Variants in NDFIP1 observed in about 807,000 individuals in gnomAD.
NDFIP1 encodes NEDD4 family-interacting protein 1.
Under a neutral mutation model 28.8 loss-of-function variants are expected in NDFIP1, and 7 were observed. The ratio of observed to expected loss-of-function variants is 0.24; its 90% CI spans 0.14 to 0.46. The LOEUF is 0.46. Ranked by LOEUF, NDFIP1 falls within the 20% of genes least tolerant of loss-of-function variation. The probability of loss-of-function intolerance (pLI) is 0.99; values close to 1 mark genes in which losing one functional copy is unlikely to be tolerated. For missense variants in NDFIP1, 194 were observed against 269.1 expected (o/e 0.72, Z 1.95); for synonymous variants, 92 against 101.0 (o/e 0.91, Z 0.53).
At chr5:142,119,582 A>G (rs1757102562) in intron 1 of NDFIP1, among the ~76,000 whole-genome samples, 2 of 152,238 alleles carry the variant, frequency 1.3e-5, no homozygotes, top group Admixed American at 6.5e-5. Flanking sequence ...ATCAAGTTCT[A>G]TAAATTTTCA....
intron 1 of NDFIP1, among the ~76,000 whole-genome samples, chr5:142,120,678 A>G (rs1364970702): frequency 6.6e-6 from 1 of 152,218 alleles, no homozygotes; most frequent in Non-Finnish European, 1.5e-5. Context: ...AGACTTAGTG[A>G]GGCCAAAAAC....
At chr5:142,150,818 C>T (rs757901297) in intron 7 of NDFIP1, among the ~76,000 whole-genome samples, 4 of 152,010 alleles carry the variant, frequency 2.6e-5, no homozygotes, top group Admixed American at 1.3e-4. Context: ...AGTTATAGGC[C>T]GATATTTGAG....
At chr5:142,149,076 G>A (rs1403192773) in intron 7 of NDFIP1, among the ~76,000 whole-genome samples, 3 of 151,906 alleles carry the variant, frequency 2.0e-5, no homozygotes, top group Non-Finnish European at 2.9e-5. Flanking sequence ...GAAATAGAAG[G>A]AAAAAAGGAG....
chr5:142,140,730 T>TCAAG, intron 6 of NDFIP1, 101 bp downstream of exon 6: 18 of 862,218 alleles, frequency 2.1e-5, no homozygotes, highest in Non-Finnish European at 3.0e-5. Flanking sequence ...TGTATAGTAA[T>TCAAG]ATATTAACAA....
intron 1 of NDFIP1, 128 bp downstream of exon 1, chr5:142,109,165 T>C (rs1327487844): frequency 8.2e-6 from 7 of 854,780 alleles, no homozygotes; most frequent in African/African-American, 1.8e-5. Context: ...GCGCTGGGCC[T>C]GGAGGGGCGG....
chr5:142,120,251 C>T (rs566393457), intron 1 of NDFIP1, among the ~76,000 whole-genome samples: 1 of 152,252 alleles, frequency 6.6e-6, no homozygotes, highest in South Asian at 2.1e-4. Context: ...CCACTGCACC[C>T]GGCCCAAACT....
chr5:142,149,701 C>T (rs958335307), intron 7 of NDFIP1, among the ~76,000 whole-genome samples: 2 of 152,112 alleles, frequency 1.3e-5, no homozygotes, highest in Admixed American at 6.6e-5. Flanking sequence ...TCTTACTGAA[C>T]AAGCAAAGGG....
intron 1 of NDFIP1, among the ~76,000 whole-genome samples, chr5:142,128,966 A>T (rs1427186653): frequency 6.6e-6 from 1 of 151,882 alleles, no homozygotes; most frequent in Non-Finnish European, 1.5e-5. Context: ...GTCATAGAAG[A>T]CCTCTTAACC....
At chr5:142,137,678 C>T (rs904029028) in intron 4 of NDFIP1, 56 bp from the exon 5 acceptor site, 4 of 1,599,646 alleles carry the variant, frequency 2.5e-6, no homozygotes, top group Admixed American at 1.7e-5. Flanking sequence ...GTAAGGCACT[C>T]TTGTTCTTGG....
At position 142,152,223 on chromosome 5, in the gene NDFIP1, AATTT is replaced by A. The variant is rs1462402421; in HGVS notation, c.*499_*502del. ...TATTTGCTGTTCAAGTTAATCTAGA[AATTT>A]ATTCAATTCTGTATGAACACCTGGA... On this transcript the variant is annotated 3_prime_UTR_variant, in exon 8 of 8. Coordinates refer to ENST00000253814, the MANE Select transcript of NDFIP1 (RefSeq NM_030571.4). The A allele has an allele frequency of 6.5e-6, 1 of 152,780 alleles. No homozygotes were observed. The highest frequency in any genetic ancestry group is 1.5e-5 in the Non-Finnish European group (1 of 68,022). 9.5% of individuals were successfully genotyped at this position (152,780 alleles called of 1,614,324 possible). A position where few individuals can be genotyped will look rare whatever the true frequency, so the allele number is the denominator to read the frequency against.
At chr5:142,143,236 A>T (rs2126922422) in intron 6 of NDFIP1, 1 of 152,228 alleles carries the variant, frequency 6.6e-6, no homozygotes, top group African/African-American at 2.4e-5. Context: ...TTTTCTTGAA[A>T]GTTGGAATAT....
intron 1 of NDFIP1, among the ~76,000 whole-genome samples, chr5:142,124,270 C>A (rs1757148409): frequency 6.6e-6 from 1 of 152,166 alleles, no homozygotes; most frequent in Admixed American, 6.5e-5. Context: ...GTGCTACTAC[C>A]ATAACCATGG....
In NDFIP1 at chr5:142,140,549, G is replaced by A. The variant is rs768237574; in HGVS notation, c.496-14G>A. 6.2e-7 allele frequency: 1 copy of A among 1,603,402 alleles called. No individual in the cohort carries two copies. Among genetic ancestry groups the A allele is most frequent in the Non-Finnish European group, 8.5e-7 (1 of 1,174,536 alleles). Reference sequence around the variant, plus strand: ...CTGTTAAGCTGCTATAAAGTGTTTTGCCTTATTTTTTAGTTTTCCACCTAT... The same window carrying A: ...CTGTTAAGCTGCTATAAAGTGTTTTACCTTATTTTTTAGTTTTCCACCTAT... On this transcript the variant is annotated splice_polypyrimidine_tract_variant and intron_variant, in intron 5 of 7. Coordinates refer to ENST00000253814, the MANE Select transcript of NDFIP1 (RefSeq NM_030571.4).
intron 6 of NDFIP1, 37 bp from the exon 7 acceptor site, chr5:142,144,534 T>G: frequency 6.8e-7 from 1 of 1,475,394 alleles, no homozygotes. Flanking sequence ...AACATGGAAA[T>G]TATAAATTCA....
intron 1 of NDFIP1, among the ~76,000 whole-genome samples, chr5:142,120,058 C>G (rs1360126981): frequency 2.0e-5 from 3 of 152,172 alleles, no homozygotes; most frequent in Non-Finnish European, 2.9e-5. Context: ...CGGGTTGAAG[C>G]AATTCTCCTG....
chr5:142,132,527 A>G (rs1038416271), intron 3 of NDFIP1, among the ~76,000 whole-genome samples, 185 bp downstream of exon 3: 1 of 152,238 alleles, frequency 6.6e-6, no homozygotes, highest in Non-Finnish European at 1.5e-5. Flanking sequence ...GAGGTAAATT[A>G]CTAGTCAGAC....
At chr5:142,126,901 A>G (rs1757173437) in intron 1 of NDFIP1, among the ~76,000 whole-genome samples, 1 of 152,188 alleles carries the variant, frequency 6.6e-6, no homozygotes, top group Non-Finnish European at 1.5e-5. Flanking sequence ...TTAGAACTAT[A>G]TATGATTTCT....
chr5:142,133,964 A>T (rs1757250499), intron 3 of NDFIP1: 3 of 152,216 alleles, frequency 2.0e-5, no homozygotes, highest in Non-Finnish European at 4.4e-5. Flanking sequence ...GGGTAAGAAC[A>T]TTCCAGAGGG....
Position 142,121,679 on chromosome 5 carries a change from T to G in NDFIP1, c.64-10129T>G, listed in dbSNP as rs561557297. On this transcript the variant is annotated intron_variant, in intron 1 of 7. Coordinates refer to ENST00000253814, the MANE Select transcript of NDFIP1 (RefSeq NM_030571.4). Reference sequence around the variant, plus strand: ...GGATACCATACCTGCTGTTCTCCTCTCCTGAAACCATCATCACTGTCCTCT... The same window carrying G: ...GGATACCATACCTGCTGTTCTCCTCGCCTGAAACCATCATCACTGTCCTCT... Among the ~76,000 whole-genome samples the G allele has an allele frequency of 3.7e-4, 57 of 152,336 alleles. 1 individual carries two copies. The South Asian group carries it at 0.012, about 32-fold the overall frequency.
Sources: gnomAD v4.1 joint callset for allele counts (sites outside exome capture counted in the v4.1 genomes callset) on GRCh38, gnomAD v4.1.1 for gene constraint, MANE v1.5 for transcripts, NCBI Gene and HGNC (gene_info 2026-07-23, HGNC 2026-07-21) for gene names.